MYO16: variants seen among roughly 807,000 people sequenced by gnomAD.
The protein encoded by MYO16 is myosin XVI, also known as unconventional myosin-XVI.
Under a neutral mutation model 205.3 loss-of-function variants are expected in MYO16, and 94 were observed. The observed-to-expected ratio is 0.46, with a 90% CI of 0.39 to 0.54. The LOEUF (loss-of-function observed/expected upper bound fraction) is 0.54. Ranked by LOEUF, MYO16 falls within the 20% of genes least tolerant of loss-of-function variation. The pLI, the probability that MYO16 is intolerant of heterozygous loss-of-function variation, is 0.00. For synonymous variants in MYO16, 988 were observed against 954.0 expected (o/e 1.04, Z -0.66); for missense variants, 2,315 against 2,387.5 (o/e 0.97, Z 0.63).
At chr13:108,550,331 A>G in the MYO16 span, among the ~76,000 whole-genome samples, 2 of 152,372 alleles carry the variant, frequency 1.3e-5, no homozygotes, top group Middle Eastern at 3.4e-3. Flanking sequence ...TTTAACTTGA[A>G]TATCACTTGT....
At chr13:109,176,094 G>T in intron 33 of MYO16, among the ~76,000 whole-genome samples, 1 of 152,150 alleles carries the variant, frequency 6.6e-6, no homozygotes, top group Admixed American at 6.5e-5. Context: ...GGCTTGGAAT[G>T]GGTGCATGGA....
At chr13:108,773,777 A>C (rs1184392797) in intron 4 of MYO16, among the ~76,000 whole-genome samples, 1 of 152,050 alleles carries the variant, frequency 6.6e-6, no homozygotes, top group Non-Finnish European at 1.5e-5. Flanking sequence ...ACTTTCCATA[A>C]ATTTGAAATT....
chr13:108,587,486 A>G, the MYO16 span, among the ~76,000 whole-genome samples: 2 of 152,224 alleles, frequency 1.3e-5, no homozygotes, highest in African/African-American at 2.4e-5. Flanking sequence ...TAAACTACCA[A>G]ACAATGTTAT....
Position 108,675,912 on chromosome 13 carries a change from C to T in MYO16, c.292+9763C>T, listed in dbSNP as rs571937884. ...CCCGGCCAGGGCACTTTCTGCACCT[C>T]ATATTTCTGCAGATAAGGTTACGAG... On this transcript the variant is annotated intron_variant, in intron 2 of 34. Transcript: ENST00000457511. Among the ~76,000 whole-genome samples the T allele has an allele frequency of 1.1e-4, 16 of 152,262 alleles. No homozygotes were observed. In the East Asian group the frequency reaches 2.7e-3, roughly 26 times the overall value.
intron 16 of MYO16, among the ~76,000 whole-genome samples, chr13:108,956,917 T>C (rs993545925): frequency 2.0e-5 from 3 of 152,196 alleles, no homozygotes; most frequent in African/African-American, 7.2e-5. Context: ...CTGTATTAGA[T>C]AGGTGATTCG....
chr13:109,078,272 C>CAA (rs3042877), intron 27 of MYO16, among the ~76,000 whole-genome samples: 6 of 136,554 alleles, frequency 4.4e-5, no homozygotes, highest in Admixed American at 3.0e-4. Context: ...ACTAAAAATA[C>CAA]AAAAAAAAAA....
At chr13:109,017,267 T>C (rs1594472385) in intron 22 of MYO16, among the ~76,000 whole-genome samples, 1 of 152,346 alleles carries the variant, frequency 6.6e-6, no homozygotes, top group East Asian at 1.9e-4. Flanking sequence ...GAAAATTCTT[T>C]TCTTTAAGAA....
intron 2 of MYO16, among the ~76,000 whole-genome samples, chr13:108,693,825 C>T (rs78753907): frequency 0.026 from 4,014 of 152,186 alleles, 174 homozygotes; most frequent in African/African-American, 0.091. Flanking sequence ...AAGCCTAGTA[C>T]CTAGTAGCTG....
chr13:109,176,164 GTTA>G (rs532813449), intron 33 of MYO16, among the ~76,000 whole-genome samples: 54 of 152,236 alleles, frequency 3.5e-4, no homozygotes, highest in African/African-American at 1.1e-3. Flanking sequence ...TTAAAACTGT[GTTA>G]TTTTGATAGA....
intron 16 of MYO16, among the ~76,000 whole-genome samples, chr13:108,935,857 A>T (rs1051564154): frequency 2.6e-5 from 4 of 151,672 alleles, no homozygotes; most frequent in Admixed American, 1.3e-4. Flanking sequence ...GGATTTTATC[A>T]GAAACTTTTT....
the MYO16 span, among the ~76,000 whole-genome samples, chr13:108,549,793 G>T: frequency 1.1e-3 from 169 of 152,232 alleles, 5 homozygotes; most frequent in South Asian, 0.032. Flanking sequence ...AGCTCCTCCT[G>T]CACTAGAAGA....
chr13:108,750,854 G>A (rs559952500), intron 4 of MYO16, among the ~76,000 whole-genome samples: 17 of 151,892 alleles, frequency 1.1e-4, no homozygotes, highest in African/African-American at 3.1e-4. Context: ...CACTGGAAGC[G>A]GACAATTACA....
chr13:109,035,989 T>A (rs756498947), intron 23 of MYO16, among the ~76,000 whole-genome samples: 1 of 152,218 alleles, frequency 6.6e-6, no homozygotes, highest in Non-Finnish European at 1.5e-5. Context: ...TTAGGGAATC[T>A]GGAAAGCACA....
chr13:109,141,248 C>A lies in MYO16; in HGVS notation c.5036C>A (p.Pro1679His), dbSNP rs753073103. The A allele has an allele frequency of 1.9e-6, 3 of 1,606,156 alleles. No homozygotes were observed. The highest frequency in any genetic ancestry group is 2.6e-6 in the Non-Finnish European group (3 of 1,176,462). The change falls in exon 32 of 35, where the codon CCC becomes CAC. Residue 1679 changes from proline to histidine, a missense_variant. Physicochemically the swap from Pro to His is moderately conservative, Grantham distance 77 (BLOSUM62 -2). Coordinates refer to ENST00000457511, the MANE Select transcript of MYO16 (RefSeq NM_001198950.3). The surrounding 1 kb of genome is among the most constrained non-coding windows in gnomAD (Gnocchi z 4.1). The part of the protein sequence containing the change: ...ARKAGSSASP[P>H]APYSPPSSRP... ...AAGGCCGGCTCCAGTGCCTCGCCCC[C>A]CGCGCCCTACAGCCCTCCCAGCTCC...
chr13:108,845,724 A>G (rs1000773738), intron 10 of MYO16, among the ~76,000 whole-genome samples: 2 of 152,108 alleles, frequency 1.3e-5, no homozygotes, highest in African/African-American at 4.8e-5. Context: ...GAAAATATGT[A>G]TATATTTTTT....
At chr13:109,017,350 G>A (rs1885864873) in intron 22 of MYO16, among the ~76,000 whole-genome samples, 1 of 152,164 alleles carries the variant, frequency 6.6e-6, no homozygotes, top group African/African-American at 2.4e-5. Context: ...AGTCTGATGG[G>A]CTTCCCTTTG....
chr13:108,962,010 C>T (rs1883604092), intron 18 of MYO16, among the ~76,000 whole-genome samples: 1 of 152,172 alleles, frequency 6.6e-6, no homozygotes, highest in Admixed American at 6.5e-5. Context: ...AATTAATTCC[C>T]TTTCAAAGAT....
In MYO16 at chr13:108,943,659, C is replaced by T. The variant is rs188787120; in HGVS notation, c.1926-14029C>T. Reference sequence around the variant, plus strand: ...AGAGATGAGGTTTCACCATGTTGGCCAGGCTGGTCTCGAACTCCTGACCTC... The same window carrying T: ...AGAGATGAGGTTTCACCATGTTGGCTAGGCTGGTCTCGAACTCCTGACCTC... On this transcript the variant is annotated intron_variant, in intron 16 of 34. Coordinates refer to ENST00000457511, the MANE Select transcript of MYO16 (RefSeq NM_001198950.3). Among the ~76,000 whole-genome samples the T allele has an allele frequency of 3.4e-3, 524 of 152,150 alleles. 2 individuals are homozygous for T. The highest frequency in any genetic ancestry group is 5.7e-3 in the Admixed American group (87 of 15,294).
At chr13:109,183,300 G>T (rs1368809236) in intron 34 of MYO16, among the ~76,000 whole-genome samples, 4 of 152,116 alleles carry the variant, frequency 2.6e-5, no homozygotes, top group Admixed American at 2.6e-4. Flanking sequence ...ATCCTCTGCC[G>T]ACTCAGAGGG....
Sources: gnomAD v4.1 joint callset for allele counts (sites outside exome capture counted in the v4.1 genomes callset) on GRCh38, gnomAD v4.1.1 for gene constraint, Gnocchi (gnomAD v3.1) non-coding constraint, MANE v1.5 for transcripts, NCBI Gene and HGNC (gene_info 2026-07-23, HGNC 2026-07-21) for gene names.